TRIQK: variants seen among roughly 807,000 people sequenced by gnomAD.
TRIQK encodes the protein triple QxxK/R motif-containing protein.
TRIQK carries 10 observed loss-of-function variants against 10.8 expected under a neutral mutation model. The observed-to-expected ratio is 0.92, with a 90% CI of 0.57 to 1.57. The LOEUF is 1.57. Among genes scored for constraint, TRIQK ranks in the 40% most tolerant of loss-of-function variants. TRIQK has a pLI of 0.00. For missense variants in TRIQK, 107 were observed against 97.7 expected, an observed-to-expected ratio of 1.09 and a Z score of -0.40; for synonymous variants, 33 against 33.7, an observed-to-expected ratio of 0.98 and a Z score of 0.07.
intron 2 of TRIQK, among the ~76,000 whole-genome samples, chr8:92,951,470 T>A (rs1811902580): frequency 6.6e-6 from 1 of 151,822 alleles, no homozygotes; most frequent in South Asian, 2.1e-4. Context: ...TGAGAGGAAA[T>A]CGTCACAGGA....
intron 3 of TRIQK, among the ~76,000 whole-genome samples, chr8:92,911,518 C>T (rs1334273124): frequency 6.6e-6 from 1 of 151,428 alleles, no homozygotes; most frequent in Non-Finnish European, 1.5e-5. Flanking sequence ...CAGTTATATG[C>T]TGTCTATAAA....
At chr8:92,999,160 T>G (rs1283847898) in intron 1 of TRIQK, among the ~76,000 whole-genome samples, 1 of 152,160 alleles carries the variant, frequency 6.6e-6, no homozygotes, top group East Asian at 1.9e-4. Flanking sequence ...TTTACAAAGA[T>G]TTTGGTAACA....
chr8:92,932,111 C>T (rs1810757970), intron 2 of TRIQK, among the ~76,000 whole-genome samples: 1 of 152,106 alleles, frequency 6.6e-6, no homozygotes, highest in South Asian at 2.1e-4. Flanking sequence ...TCTCCTTCTA[C>T]ATTTCAATTT....
Position 92,884,661 on chromosome 8 carries a change from A to AT in TRIQK, c.*1960dup. 2 of 343,036 alleles carry AT rather than the reference A, an allele frequency of 5.8e-6. No homozygotes were observed. Among genetic ancestry groups the AT allele is most frequent in the South Asian group, 4.6e-5 (2 of 43,446 alleles). The allele number at this position is 343,036 out of a possible 1,614,324, so 21.2% of individuals were successfully genotyped here. A position where few individuals can be genotyped will look rare whatever the true frequency, so the allele number is the denominator to read the frequency against. On this transcript the variant is annotated 3_prime_UTR_variant, in exon 5 of 5. Coordinates refer to ENST00000521988, the MANE Select transcript of TRIQK (RefSeq NM_001171797.2). Reference sequence around the variant, plus strand: ...AACATTTCCAAGACCATAACCAGCCATTTTAAGTACTGTAAACTCTGTTAT... The same window carrying AT: ...AACATTTCCAAGACCATAACCAGCCATTTTTAAGTACTGTAAACTCTGTTAT...
intron 4 of TRIQK, chr8:92,887,080 G>A (rs1400515030): frequency 6.3e-6 from 1 of 159,694 alleles, no homozygotes; most frequent in Admixed American, 6.4e-5. Flanking sequence ...TATCTACACA[G>A]TTGATCTGTT....
chr8:92,976,560 GT>G (rs1563671276), intron 1 of TRIQK, among the ~76,000 whole-genome samples: 1 of 151,870 alleles, frequency 6.6e-6, no homozygotes, highest in Non-Finnish European at 1.5e-5. Flanking sequence ...ACAACATGTA[GT>G]TGAGTCTTGT....
chr8:92,918,194 G>A (rs1256528685), intron 2 of TRIQK, among the ~76,000 whole-genome samples: 1 of 151,998 alleles, frequency 6.6e-6, no homozygotes, highest in Admixed American at 6.6e-5. Flanking sequence ...TGAGAGTTCA[G>A]ATATGTCTTC....
intron 1 of TRIQK, among the ~76,000 whole-genome samples, chr8:92,990,646 A>G (rs1813086699): frequency 6.6e-6 from 1 of 152,060 alleles, no homozygotes; most frequent in African/African-American, 2.4e-5. Context: ...GGGAAGTGCA[A>G]AGGGTCAGGG....
chr8:92,962,494 T>C (rs2130715953), intron 1 of TRIQK, among the ~76,000 whole-genome samples: 1 of 152,294 alleles, frequency 6.6e-6, no homozygotes, highest in South Asian at 2.1e-4. Flanking sequence ...ATATTTATCA[T>C]CTCTGAACTT....
intron 3 of TRIQK, among the ~76,000 whole-genome samples, chr8:92,914,927 T>A (rs1809749509): frequency 6.6e-6 from 1 of 152,140 alleles, no homozygotes; most frequent in Non-Finnish European, 1.5e-5. Flanking sequence ...CACTGCAGCA[T>A]TATTCACAAT....
chr8:92,968,111 T>A (rs1386141368), upstream of TRIQK, among the ~76,000 whole-genome samples: 1 of 152,190 alleles, frequency 6.6e-6, no homozygotes, highest in South Asian at 2.1e-4. Flanking sequence ...ACATATATTA[T>A]TGACTTACAT....
chr8:92,951,993 G>GT (rs1396198961), intron 2 of TRIQK, among the ~76,000 whole-genome samples: 2 of 151,682 alleles, frequency 1.3e-5, no homozygotes, highest in Non-Finnish European at 2.9e-5. Flanking sequence ...TTACCACCAT[G>GT]TTACTAGAGG....
intron 1 of TRIQK, among the ~76,000 whole-genome samples, chr8:93,017,077 T>C (rs1974945): frequency 0.27 from 39,176 of 147,678 alleles, 6,083 homozygotes; most frequent in African/African-American, 0.43. Context: ...TGATTTTTAA[T>C]AGTTAAACAC....
intron 2 of TRIQK, 26 bp from the exon 3 acceptor site, chr8:92,917,036 A>C (rs1809896910): frequency 2.1e-6 from 3 of 1,425,294 alleles, no homozygotes; most frequent in Admixed American, 5.9e-5. Flanking sequence ...TTATAATGAA[A>C]ATTTTTTTAA....
At chr8:92,930,577 G>A (rs558544814) in intron 2 of TRIQK, among the ~76,000 whole-genome samples, 18 of 152,066 alleles carry the variant, frequency 1.2e-4, no homozygotes, top group African/African-American at 1.9e-4. Context: ...ACCACTGCAC[G>A]CTAAGAGCTT....
chr8:92,899,816 G>C (rs1187442831), intron 3 of TRIQK, among the ~76,000 whole-genome samples: 2 of 151,940 alleles, frequency 1.3e-5, no homozygotes, highest in Non-Finnish European at 2.9e-5. Flanking sequence ...AGGTTTTTGG[G>C]GGAACCTCCA....
chr8:92,967,306 A>G (rs909774034), upstream of TRIQK, among the ~76,000 whole-genome samples: 2 of 152,228 alleles, frequency 1.3e-5, no homozygotes, highest in Non-Finnish European at 2.9e-5. Context: ...AAAAAAAAAA[A>G]GAGTACCTCT....
intron 3 of TRIQK, among the ~76,000 whole-genome samples, chr8:92,914,262 C>T (rs1809717905): frequency 6.6e-6 from 1 of 151,392 alleles, no homozygotes; most frequent in Non-Finnish European, 1.5e-5. Context: ...TTCTTTTTTT[C>T]TAGTAGTTTT....
chr8:92,946,149 A>G (rs932792379), intron 2 of TRIQK, among the ~76,000 whole-genome samples: 6 of 152,184 alleles, frequency 3.9e-5, no homozygotes, highest in Non-Finnish European at 7.4e-5. Flanking sequence ...AGATCAGTGA[A>G]ACAAAAAGAG....
Sources: allele counts gnomAD v4.1 joint callset (sites outside exome capture counted in the v4.1 genomes callset), GRCh38; gene constraint gnomAD v4.1.1; transcripts MANE v1.5; gene names NCBI Gene and HGNC (gene_info 2026-07-23, HGNC 2026-07-21).